The following ADAMTS9 variants were observed in gnomAD, a reference collection of about 807,000 sequenced individuals.
ADAMTS9 encodes the protein ADAM metallopeptidase with thrombospondin type 1 motif 9.
Under a neutral mutation model 257.1 loss-of-function variants are expected in ADAMTS9, and 107 were observed. That is an observed-to-expected ratio of 0.42 (90% CI 0.36 to 0.49). The LOEUF is 0.49. Among genes scored for constraint, ADAMTS9 ranks in the 20% least tolerant of loss-of-function variants. ADAMTS9 has a pLI of 0.03. For missense variants in ADAMTS9, 2,353 were observed against 2,469.1 expected (o/e 0.95, Z 1.00); for synonymous variants, 982 against 880.9 (o/e 1.11, Z -2.03).
At chr3:64,554,941 C>A (rs13059294) in intron 30 of ADAMTS9, among the ~76,000 whole-genome samples, 273 of 152,348 alleles carry the variant, frequency 1.8e-3, no homozygotes, top group Middle Eastern at 3.4e-3. Context: ...ATTTTCTTTG[C>A]TTAAAGATTA....
At chr3:64,657,175 G>C (rs1419325186) in intron 4 of ADAMTS9, among the ~76,000 whole-genome samples, 1 of 152,202 alleles carries the variant, frequency 6.6e-6, no homozygotes, top group African/African-American at 2.4e-5. Context: ...CAAGTGGCTA[G>C]TGAGCACTAG....
intron 38 of ADAMTS9, among the ~76,000 whole-genome samples, chr3:64,526,130 T>A (rs1292211709): frequency 2.0e-5 from 3 of 147,552 alleles, no homozygotes; most frequent in Non-Finnish European, 4.5e-5. Context: ...TTACTATAGA[T>A]AGTTAACAAT....
chr3:64,631,692 C>G (rs1331005977), intron 15 of ADAMTS9, 116 bp downstream of exon 15: 1 of 1,192,576 alleles, frequency 8.4e-7, no homozygotes, highest in African/African-American at 1.5e-5. Flanking sequence ...GGATAATCCA[C>G]CATAACGAGA....
chr3:64,573,287 G>A (rs965662627), intron 28 of ADAMTS9, among the ~76,000 whole-genome samples: 1 of 152,070 alleles, frequency 6.6e-6, no homozygotes, highest in African/African-American at 2.4e-5. Flanking sequence ...ATTCCCAAGT[G>A]GTCTGGATTG....
chr3:64,564,370 T>G (rs1433840510), intron 29 of ADAMTS9, among the ~76,000 whole-genome samples: 1 of 152,314 alleles, frequency 6.6e-6, no homozygotes, highest in Admixed American at 6.5e-5. Flanking sequence ...AATCATAATA[T>G]ATACTTGAAA....
At position 64,539,055 on chromosome 3, in the gene ADAMTS9, G is replaced by T. The variant is rs778628095; in HGVS notation, c.5613+148C>A. 8 of 713,538 alleles carry T rather than the reference G, an allele frequency of 1.1e-5. No homozygotes were observed. The East Asian group carries it at 1.9e-4, about 17-fold the overall frequency. The allele number at this position is 713,538 out of a possible 1,614,324, so 44.2% of individuals were successfully genotyped here. ...CTGAATTACGAGATTAGACTCCAGA[G>T]CATTTGAGAGGGTCTTGATACATGT... On this transcript the variant is annotated intron_variant, in intron 37 of 39. Transcript: ENST00000498707.
At position 64,522,387 on chromosome 3, in the gene ADAMTS9, A is replaced by G. The variant is rs532187585; in HGVS notation, c.5719-127T>C. 3.5e-5 allele frequency: 26 copies of G among 751,566 alleles called. No individual in the cohort carries two copies. The African/African-American group carries it at 4.0e-4, about 12-fold the overall frequency. The allele number at this position is 751,566 out of a possible 1,614,324, so 46.6% of individuals were successfully genotyped here. On this transcript the variant is annotated intron_variant, in intron 38 of 39. Coordinates refer to ENST00000498707, the MANE Select transcript of ADAMTS9 (RefSeq NM_182920.2). ...CTTCTGAACTGATGTGAAGCCCAAC[A>G]TACTCACCATGGTCTAAAGCAGGGG...
intron 28 of ADAMTS9, chr3:64,586,785 A>T (rs2084165745): frequency 1.3e-5 from 2 of 152,106 alleles, no homozygotes; most frequent in African/African-American, 4.8e-5. Context: ...CATTGCCTCA[A>T]CTCGGTTTCT....
chr3:64,517,416 G>GTTTTTTTTTTTTTTTTTTTTTTGTTTTTT (rs2082790165), intron 39 of ADAMTS9, among the ~76,000 whole-genome samples: 1 of 52,638 alleles, frequency 1.9e-5, no homozygotes, highest in Non-Finnish European at 3.8e-5. Context: ...ATTAAAAATG[G>GTTTTTTTTTTTTTTTTTTTTTTGTTTTTT]TTTTTTTTTT....
At position 64,546,747 on chromosome 3, in the gene ADAMTS9, CT is replaced by C; in HGVS notation, c.5064+10del. The C allele has an allele frequency of 6.3e-7, 1 of 1,586,822 alleles. No homozygotes were observed. Among genetic ancestry groups the C allele is most frequent in the Middle Eastern group, 2.0e-4 (1 of 5,024 alleles). On this transcript the variant is annotated intron_variant, in intron 32 of 39. Coordinates refer to ENST00000498707, the MANE Select transcript of ADAMTS9 (RefSeq NM_182920.2). The stretch of plus-strand genomic sequence containing the variant: ...GGGCTTTCAGATTTGAGTGCTCAGT[CT>C]TCTACTTACGCTCCCCCAGTTGCCA...
intron 38 of ADAMTS9, among the ~76,000 whole-genome samples, chr3:64,531,943 G>C (rs1028625936): frequency 6.6e-6 from 1 of 152,200 alleles, no homozygotes; most frequent in Non-Finnish European, 1.5e-5. Context: ...GGACTTCAGA[G>C]GGAAGGCTGT....
chr3:64,555,461 C>T (rs567934742), intron 30 of ADAMTS9, among the ~76,000 whole-genome samples: 2 of 152,082 alleles, frequency 1.3e-5, no homozygotes, highest in Non-Finnish European at 2.9e-5. Flanking sequence ...GGCTTCGTAC[C>T]CTGTCTCTCT....
At chr3:64,622,867 T>A (rs1700141575) in intron 16 of ADAMTS9, among the ~76,000 whole-genome samples, 1 of 152,176 alleles carries the variant, frequency 6.6e-6, no homozygotes, top group African/African-American at 2.4e-5. Flanking sequence ...GGTGTCCTAA[T>A]AAACCTTGAT....
chr3:64,542,081 G>A, intron 32 of ADAMTS9, 111 bp from the exon 33 acceptor site: 1 of 1,395,058 alleles, frequency 7.2e-7, no homozygotes, highest in Non-Finnish European at 9.8e-7. Flanking sequence ...TGTCACTTCA[G>A]ACCCTGTGTC....
At chr3:64,541,696 T>C (rs950670779) in intron 33 of ADAMTS9, 76 bp from the exon 34 acceptor site, 7 of 1,553,462 alleles carry the variant, frequency 4.5e-6, no homozygotes, top group African/African-American at 4.1e-5. Flanking sequence ...ATGAATGACA[T>C]TGTTCGCACT....
At position 64,686,424 on chromosome 3, in the gene ADAMTS9, C is replaced by T. The variant is rs1353537672; in HGVS notation, c.516+144G>A. 8.3e-7 allele frequency: 1 copy of T among 1,201,360 alleles called. No individual in the cohort carries two copies. The highest frequency in any genetic ancestry group is 2.6e-5 in the East Asian group (1 of 39,034). 74.4% of individuals were successfully genotyped at this position (1,201,360 alleles called of 1,614,324 possible). Reference sequence around the variant, plus strand: ...CACGCACAGAGCTAGCTACCCAAACCATACGAGTTTCTAGCTGATATTTAA... The same window carrying T: ...CACGCACAGAGCTAGCTACCCAAACTATACGAGTTTCTAGCTGATATTTAA... On this transcript the variant is annotated intron_variant, in intron 2 of 39. Coordinates refer to ENST00000498707, the MANE Select transcript of ADAMTS9 (RefSeq NM_182920.2). This position sits in a 1 kb window ranked among gnomAD's most constrained non-coding sequence, Gnocchi z 4.6.
intron 3 of ADAMTS9, among the ~76,000 whole-genome samples, chr3:64,668,698 A>G (rs1701408884): frequency 6.6e-6 from 1 of 152,144 alleles, no homozygotes. Flanking sequence ...ACTTAGAATG[A>G]GCAGCAGGTT....
chr3:64,625,458 G>C (rs983523560), intron 16 of ADAMTS9, among the ~76,000 whole-genome samples: 4 of 152,172 alleles, frequency 2.6e-5, no homozygotes. Flanking sequence ...AGAGGGCAGA[G>C]ATGAAGCTCT....
intron 19 of ADAMTS9, among the ~76,000 whole-genome samples, chr3:64,617,775 C>T (rs1303976710): frequency 6.6e-5 from 10 of 152,166 alleles, no homozygotes; most frequent in Admixed American, 6.5e-4. Flanking sequence ...TTAACCTCCA[C>T]AGGGGGAAGG....
Sources: allele counts gnomAD v4.1 joint callset (sites outside exome capture counted in the v4.1 genomes callset), GRCh38; gene constraint gnomAD v4.1.1; non-coding constraint Gnocchi (gnomAD v3.1); transcripts MANE v1.5; gene names NCBI Gene and HGNC (gene_info 2026-07-23, HGNC 2026-07-21).